The following TENM2 variants were observed in gnomAD, a reference collection of about 807,000 sequenced individuals.
TENM2 encodes teneurin-2.
In TENM2, 52 loss-of-function variants were observed where a neutral mutation model predicts 245.2. That is an observed-to-expected ratio of 0.21 (90% CI 0.17 to 0.27). The LOEUF (loss-of-function observed/expected upper bound fraction) is 0.27, where lower values mean the gene tolerates loss of function less well. Ranked by LOEUF, TENM2 falls within the 10% of genes least tolerant of loss-of-function variation. The probability of loss-of-function intolerance (pLI) is 1.00; values close to 1 mark genes in which losing one functional copy is unlikely to be tolerated. For synonymous variants in TENM2, 1,363 were observed against 1,438.9 expected (o/e 0.95, Z 1.19); for missense variants, 3,046 against 3,666.8 (o/e 0.83, Z 4.37).
At chr5:167,201,602 C>A in the TENM2 span, among the ~76,000 whole-genome samples, 4 of 152,152 alleles carry the variant, frequency 2.6e-5, no homozygotes, top group Non-Finnish European at 5.9e-5. Context: ...AGAATGCCTT[C>A]TGATTAACTC....
At chr5:167,083,684 C>A in the TENM2 span, among the ~76,000 whole-genome samples, 1 of 152,118 alleles carries the variant, frequency 6.6e-6, no homozygotes. Context: ...GGATATCACT[C>A]CTGGGAAGAC....
At chr5:167,773,380 G>A (rs975047995) in intron 2 of TENM2, among the ~76,000 whole-genome samples, 1 of 152,196 alleles carries the variant, frequency 6.6e-6, no homozygotes, top group Non-Finnish European at 1.5e-5. Context: ...TCAGGCATTA[G>A]GGCAAGTACC....
At chr5:167,770,873 T>G (rs1763357412) in intron 2 of TENM2, among the ~76,000 whole-genome samples, 1 of 152,184 alleles carries the variant, frequency 6.6e-6, no homozygotes, top group African/African-American at 2.4e-5. Flanking sequence ...TGAGGGCTGT[T>G]GGTCCCACTG....
At chr5:168,194,969 C>A (rs1761281609) in intron 14 of TENM2, among the ~76,000 whole-genome samples, 1 of 152,150 alleles carries the variant, frequency 6.6e-6, no homozygotes, top group South Asian at 2.1e-4. Flanking sequence ...GCCCAGGAGA[C>A]CCCTGGGCCC....
chr5:167,920,446 AGGT>A lies in TENM2; in HGVS notation c.713-32139_713-32137del, dbSNP rs1237611964. 5.4e-5 allele frequency among the ~76,000 whole-genome samples: 8 copies of A among 149,156 alleles called. No homozygotes were observed. The East Asian group carries it at 1.6e-3, about 30-fold the overall frequency. On this transcript the variant is annotated intron_variant, in intron 3 of 28. Coordinates refer to ENST00000518659, the Ensembl canonical transcript of TENM2. ...GGCAGGAGAATTGCTTGAACCCGGG[AGGT>A]GGAGGTTGCAGTGAGCCAAGCTCGT...
At chr5:167,488,239 C>A (rs1172514406) in intron 2 of TENM2, among the ~76,000 whole-genome samples, 1 of 152,092 alleles carries the variant, frequency 6.6e-6, no homozygotes, top group African/African-American at 2.4e-5. Flanking sequence ...ATCCCACTTT[C>A]TCTGCTAAAA....
chr5:167,467,470 A>T (rs1236272450), intron 2 of TENM2, among the ~76,000 whole-genome samples: 2 of 151,486 alleles, frequency 1.3e-5, no homozygotes, highest in Non-Finnish European at 2.9e-5. Flanking sequence ...AATAAAATTT[A>T]CAATAACAAA....
chr5:168,241,112 A>G (rs1244615465), intron 25 of TENM2: 2 of 152,152 alleles, frequency 1.3e-5, no homozygotes, highest in Non-Finnish European at 2.9e-5. Flanking sequence ...CCTACTACTC[A>G]GCCTTTGCCT....
At chr5:167,358,353 C>G (rs1759478108) in intron 1 of TENM2, among the ~76,000 whole-genome samples, 1 of 152,166 alleles carries the variant, frequency 6.6e-6, no homozygotes. Context: ...AATGACCCAT[C>G]AGCAACATTT....
chr5:167,149,798 G>C, the TENM2 span, among the ~76,000 whole-genome samples: 9 of 152,122 alleles, frequency 5.9e-5, no homozygotes, highest in African/African-American at 2.2e-4. Flanking sequence ...TCTTCCATCT[G>C]TGATTATCTT....
At chr5:168,208,977 C>G (rs1399102054) in intron 19 of TENM2, among the ~76,000 whole-genome samples, 3 of 151,582 alleles carry the variant, frequency 2.0e-5, no homozygotes, top group African/African-American at 7.2e-5. Context: ...TTAATTAACT[C>G]CTGTAACACT....
chr5:167,244,172 T>C, the TENM2 span, among the ~76,000 whole-genome samples: 4 of 152,216 alleles, frequency 2.6e-5, no homozygotes, highest in African/African-American at 9.6e-5. Flanking sequence ...TCTTCTAATG[T>C]TATGATGATT....
At chr5:167,955,998 T>C (rs1780526248) in intron 4 of TENM2, among the ~76,000 whole-genome samples, 1 of 152,234 alleles carries the variant, frequency 6.6e-6, no homozygotes, top group South Asian at 2.1e-4. Context: ...TTTTTTCTAA[T>C]TCTGTGAAGA....
At chr5:167,926,718 C>CCACACACACACA (rs750351497) in intron 3 of TENM2, among the ~76,000 whole-genome samples, 5 of 136,718 alleles carry the variant, frequency 3.7e-5, no homozygotes, top group South Asian at 2.5e-4. Flanking sequence ...TGAGATTCCA[C>CCACACACACACA]CACACACACA....
intron 2 of TENM2, among the ~76,000 whole-genome samples, chr5:167,820,895 A>G (rs1373545873): frequency 6.6e-6 from 1 of 152,204 alleles, no homozygotes; most frequent in Non-Finnish European, 1.5e-5. Flanking sequence ...GTTCTTTTGC[A>G]GGAAGGAAAC....
In TENM2 at chr5:167,785,547, C is replaced by T. The variant is rs117110371; in HGVS notation, c.503-90439C>T. On this transcript the variant is annotated intron_variant, in intron 2 of 28. Coordinates refer to ENST00000518659, the Ensembl canonical transcript of TENM2. The stretch of plus-strand genomic sequence containing the variant: ...GAAACAGGACCCATGGGATGCTTCA[C>T]TATCATCCATGTCTTGAATGTATGC... 4.9e-4 allele frequency among the ~76,000 whole-genome samples: 74 copies of T among 152,330 alleles called. 1 individual carries two copies. In the East Asian group the frequency reaches 0.013, roughly 28 times the overall value.
At chr5:167,732,974 T>C (rs958690570) in intron 2 of TENM2, among the ~76,000 whole-genome samples, 3 of 152,184 alleles carry the variant, frequency 2.0e-5, no homozygotes, top group Non-Finnish European at 4.4e-5. Flanking sequence ...GAGAAAAGTC[T>C]CCATTAGTCT....
the TENM2 span, among the ~76,000 whole-genome samples, chr5:167,040,421 A>G: frequency 6.6e-6 from 1 of 152,106 alleles, no homozygotes; most frequent in African/African-American, 2.4e-5. Context: ...TCTAAGCACT[A>G]AACTGAAATA....
the TENM2 span, among the ~76,000 whole-genome samples, chr5:167,076,139 C>A: frequency 1.3e-5 from 2 of 152,222 alleles, no homozygotes; most frequent in African/African-American, 4.8e-5. Flanking sequence ...AAAAAATCAA[C>A]CTTTTGCTTA....
Sources: allele counts gnomAD v4.1 joint callset (sites outside exome capture counted in the v4.1 genomes callset), GRCh38; gene constraint gnomAD v4.1.1; transcripts MANE v1.5; gene names NCBI Gene and HGNC (gene_info 2026-07-23, HGNC 2026-07-21).